Variants in LAYN observed in about 807,000 individuals in gnomAD.
The protein encoded by LAYN is layilin.
In LAYN, 38 loss-of-function variants were observed where a neutral mutation model predicts 43.6. The ratio of observed to expected loss-of-function variants is 0.87; its 90% confidence interval spans 0.67 to 1.14. The LOEUF is 1.14. Ranked by LOEUF, LAYN falls within the 50% of genes most tolerant of loss-of-function variation. The probability of loss-of-function intolerance (pLI) is 0.00; values close to 1 mark genes in which losing one functional copy is unlikely to be tolerated. For missense variants in LAYN, 479 were observed against 463.8 expected (o/e 1.03, Z -0.30); for synonymous variants, 168 against 172.9 (o/e 0.97, Z 0.22).
chr11:111,549,151 T>G (rs1026010288), intron 2 of LAYN, among the ~76,000 whole-genome samples: 1 of 152,238 alleles, frequency 6.6e-6, no homozygotes, highest in African/African-American at 2.4e-5. Flanking sequence ...CTTGAATTTC[T>G]TATCTACTTC....
chr11:111,559,799 G>A (rs758101944), intron 6 of LAYN, among the ~76,000 whole-genome samples: 6 of 151,920 alleles, frequency 3.9e-5, no homozygotes, highest in Non-Finnish European at 7.4e-5. Flanking sequence ...TTGTAATGTG[G>A]TATTTTTTCT....
chr11:111,541,494 G>T, intron 1 of LAYN: 1 of 1,453,970 alleles, frequency 6.9e-7, no homozygotes, highest in Non-Finnish European at 9.3e-7. Context: ...TCCAGTTAGT[G>T]TGGGACGAGC....
chr11:111,555,811 A>G (rs1002838790), intron 5 of LAYN, among the ~76,000 whole-genome samples: 1 of 152,250 alleles, frequency 6.6e-6, no homozygotes, highest in Non-Finnish European at 1.5e-5. Context: ...GTCACTGGGC[A>G]ACTTTTAAAA....
In LAYN at chr11:111,544,219, A is replaced by G; in HGVS notation, c.382A>G (p.Arg128Gly). The G allele has an allele frequency of 6.2e-7, 1 of 1,610,188 alleles. No individual in the cohort carries two copies. Among genetic ancestry groups the G allele is most frequent in the Non-Finnish European group, 8.5e-7 (1 of 1,177,954 alleles). The change falls in exon 2 of 7, where the codon AGG becomes GGG. Residue 128 changes from arginine to glycine, a missense_variant and splice_region_variant. By Grantham distance (125) the Arg-to-Gly change is moderately radical. Transcript: ENST00000375614. ...GACTGATGGCAGCATATCACAATTT[A>G]GGTAAGTGTGTGGAACCCACAGCTG... ...AWTDGSISQF[R>G]NWYVDEPSCG...
At chr11:111,550,560 T>C (rs912041372) in intron 3 of LAYN, among the ~76,000 whole-genome samples, 7 of 152,220 alleles carry the variant, frequency 4.6e-5, no homozygotes, top group African/African-American at 9.7e-5. Context: ...GACTAAGTAA[T>C]CCTGTCATTT....
chr11:111,540,688 CGACT>C (rs1867512536), upstream of LAYN: 5 of 658,402 alleles, frequency 7.6e-6, no homozygotes, highest in Non-Finnish European at 2.4e-6. Context: ...GAGGGGCGAC[CGACT>C]GACTCCGCGC....
intron 1 of LAYN, among the ~76,000 whole-genome samples, chr11:111,543,335 T>C (rs1867582033): frequency 6.6e-6 from 1 of 152,226 alleles, no homozygotes; most frequent in African/African-American, 2.4e-5. Context: ...TGGCACATAG[T>C]AGGAGTTCAG....
intron 1 of LAYN, 102 bp downstream of exon 1, chr11:111,541,030 C>A: frequency 2.9e-6 from 3 of 1,033,232 alleles, no homozygotes; most frequent in Non-Finnish European, 2.8e-6. Context: ...GACTAGAAGG[C>A]CGTCCCATGC....
At position 111,549,486 on chromosome 11, in the gene LAYN, CCT is replaced by C. The variant is rs557174414; in HGVS notation, c.384-125_384-124del. The C allele has an allele frequency of 3.8e-4, 259 of 676,432 alleles. 1 individual carries two copies. The East Asian group carries it at 7.6e-3, about 20-fold the overall frequency. 41.9% of individuals were successfully genotyped at this position (676,432 alleles called of 1,614,324 possible). A position where few individuals can be genotyped will look rare whatever the true frequency, so the allele number is the denominator to read the frequency against. On this transcript the variant is annotated intron_variant, in intron 2 of 6. Coordinates refer to ENST00000375614, the MANE Select transcript of LAYN (RefSeq NM_178834.5). Reference sequence around the variant, plus strand: ...CTTACTGGCAGTACTTCAATTCCTACCTCTCTCTGTATCATGTTCTGAGGCAG... The same window carrying C: ...CTTACTGGCAGTACTTCAATTCCTACCTCTCTGTATCATGTTCTGAGGCAG...
At position 111,549,731 on chromosome 11, in the gene LAYN, A is replaced by G; in HGVS notation, c.497A>G (p.Asp166Gly). 6.2e-7 allele frequency: 1 copy of G among 1,607,038 alleles called. No homozygotes were observed. Among genetic ancestry groups the G allele is most frequent in the East Asian group, 2.3e-5 (1 of 44,308 alleles). Residue 166 changes from aspartate (D) to glycine (G), a missense_variant, in exon 3 of 7, where the codon GAC becomes GGC. Coordinates refer to ENST00000375614, the MANE Select transcript of LAYN (RefSeq NM_178834.5). The part of the protein sequence containing the change: ...GGPYMFQWND[D>G]RCNMKNNFIC... The stretch of plus-strand genomic sequence containing the variant: ...CCCTACATGTTCCAGTGGAATGATG[A>G]CCGGTGCAACATGAAGAACAATTTC...
intron 5 of LAYN, among the ~76,000 whole-genome samples, chr11:111,556,296 C>T (rs565752290): frequency 6.6e-6 from 1 of 152,300 alleles, no homozygotes; most frequent in African/African-American, 2.4e-5. Context: ...AGCATCCTGG[C>T]ACATCAGTGT....
intron 3 of LAYN, among the ~76,000 whole-genome samples, chr11:111,550,050 C>T (rs1206509972): frequency 2.6e-5 from 4 of 152,292 alleles, no homozygotes; most frequent in East Asian, 1.9e-4. Context: ...CTTACAAGAA[C>T]GTCAGGAAAT....
At chr11:111,547,477 C>T (rs1183668185) in intron 2 of LAYN, among the ~76,000 whole-genome samples, 1 of 152,202 alleles carries the variant, frequency 6.6e-6, no homozygotes, top group Non-Finnish European at 1.5e-5. Flanking sequence ...TTAATATAGC[C>T]TTGAGTCAAG....
intron 3 of LAYN, chr11:111,551,214 C>T: frequency 2.6e-6 from 1 of 390,146 alleles, no homozygotes; most frequent in South Asian, 1.9e-5. Flanking sequence ...GAGCTATTAC[C>T]ACAAAATGCA....
chr11:111,560,287 C>G lies in LAYN; in HGVS notation c.954C>G (p.Asp318Glu). 2 of 1,614,192 alleles carry G rather than the reference C, an allele frequency of 1.2e-6. No individual in the cohort carries two copies. Among genetic ancestry groups the G allele is most frequent in the Non-Finnish European group, 1.7e-6 (2 of 1,180,028 alleles). Residue 318 changes from aspartate to glutamate, a missense_variant, in exon 7 of 7, where the codon GAC becomes GAG. Coordinates refer to ENST00000375614, the MANE Select transcript of LAYN (RefSeq NM_178834.5). ...RVCSGEATPDDMSCDYDNMAV... is the reference protein window; with the variant it reads ...RVCSGEATPDEMSCDYDNMAV... ...GTTCGGGAGAAGCCACTCCCGATGA[C>G]ATGTCTTGTGACTATGACAACATGG...
chr11:111,543,870 G>A, intron 1 of LAYN, 53 bp from the exon 2 acceptor site: 1 of 1,534,472 alleles, frequency 6.5e-7, no homozygotes, highest in South Asian at 1.3e-5. Flanking sequence ...ACGTATCCCT[G>A]CCCCGGTATA....
chr11:111,553,244 A>AAAAT (rs557098710), intron 3 of LAYN, among the ~76,000 whole-genome samples: 2,644 of 151,784 alleles, frequency 0.017, 71 homozygotes, highest in African/African-American at 0.059. Flanking sequence ...CTCCATCTCA[A>AAAAT]AAATAAATAA....
chr11:111,542,662 G>A (rs115019904), intron 1 of LAYN, among the ~76,000 whole-genome samples: 201 of 152,268 alleles, frequency 1.3e-3, no homozygotes, highest in African/African-American at 4.7e-3. Flanking sequence ...TTTTACCCCC[G>A]GCACTGTGGC....
rs765403067 is a variant in LAYN, at chr11:111,557,594, C to T, written c.712C>T (p.Leu238Phe). 4.3e-6 allele frequency: 7 copies of T among 1,614,074 alleles called. No homozygotes were observed. The highest frequency in any genetic ancestry group is 5.9e-6 in the Non-Finnish European group (7 of 1,180,036). ...ILIPSIPLLLLLVVTTVVCWV... is the reference protein window; with the variant it reads ...ILIPSIPLLLFLVVTTVVCWV... ...AATCCCCAGCATTCCCCTTCTCCTC[C>T]TCCTTGTGGTCACCACAGTTGTATG... The change falls in exon 6 of 7, where the codon CTC (leucine) becomes TTC (phenylalanine). Residue 238 changes from leucine to phenylalanine, a missense_variant. Transcript: ENST00000375614.
Sources: allele counts gnomAD v4.1 joint callset (sites outside exome capture counted in the v4.1 genomes callset), GRCh38; gene constraint gnomAD v4.1.1; transcripts MANE v1.5; gene names NCBI Gene and HGNC (gene_info 2026-07-23, HGNC 2026-07-21).